Variants in NDUFAF6 observed in about 807,000 individuals in gnomAD.
NDUFAF6 encodes NADH:ubiquinone oxidoreductase complex assembly factor 6.
Under a neutral mutation model 40.8 loss-of-function variants are expected in NDUFAF6, and 45 were observed. The ratio of observed to expected loss-of-function variants is 1.10; its 90% confidence interval spans 0.87 to 1.42. NDUFAF6 has a LOEUF of 1.42. Among genes scored for constraint, NDUFAF6 ranks in the 40% most tolerant of loss-of-function variants. The probability of loss-of-function intolerance (pLI) is 0.00; values close to 1 mark genes in which losing one functional copy is unlikely to be tolerated. For missense variants in NDUFAF6, 435 were observed against 418.5 expected, an observed-to-expected ratio of 1.04 and a Z score of -0.34; for synonymous variants, 185 against 155.9, an observed-to-expected ratio of 1.19 and a Z score of -1.39.
rs1405895170 is a variant in NDUFAF6, at chr8:94,972,509, G to A, written c.-198-8350G>A. ...CCGCCTCAACCTCCCAAAGTGCTGG[G>A]ATTACAGGCCTGAGCCACCACACCC... On this transcript the variant is annotated intron_variant, in intron 1 of 9. Coordinates refer to the NDUFAF6 transcript ENST00000396111. Among the ~76,000 whole-genome samples, 3 of 152,272 alleles carry A rather than the reference G, an allele frequency of 2.0e-5. No individual in the cohort carries two copies. In the East Asian group the frequency reaches 5.8e-4, roughly 29 times the overall value.
chr8:94,983,256 C>CTTTTTT (rs1173077785), intron 2 of NDUFAF6, among the ~76,000 whole-genome samples: 7 of 83,184 alleles, frequency 8.4e-5, no homozygotes, highest in Non-Finnish European at 1.2e-4. Flanking sequence ...CTTTGCTATT[C>CTTTTTT]TTTTTTTTTT....
intron 1 of NDUFAF6, among the ~76,000 whole-genome samples, chr8:94,897,500 C>T (rs926122425): frequency 1.3e-5 from 2 of 152,136 alleles, no homozygotes; most frequent in Non-Finnish European, 2.9e-5. Context: ...TTTTAAAATT[C>T]ACCTAAAGTA....
At chr8:95,017,552 A>C (rs913207937) in intron 2 of NDUFAF6, among the ~76,000 whole-genome samples, 3 of 152,146 alleles carry the variant, frequency 2.0e-5, no homozygotes, top group Non-Finnish European at 4.4e-5. Context: ...TTTTGCCATA[A>C]ATTTCCACAG....
chr8:95,012,321 C>T (rs1827257895), intron 2 of NDUFAF6, among the ~76,000 whole-genome samples: 1 of 152,092 alleles, frequency 6.6e-6, no homozygotes, highest in African/African-American at 2.4e-5. Flanking sequence ...TGTTTATGCT[C>T]ATTTAATTTA....
chr8:95,036,301 G>C lies in NDUFAF6; in HGVS notation c.420+725G>C, dbSNP rs376036105. ...TGATCTGTGTCCCTGTTGTAATGCAGTGATTGCCAAAAGAGGGTTTCTGTA... is the reference window on the plus strand; with the variant it reads ...TGATCTGTGTCCCTGTTGTAATGCACTGATTGCCAAAAGAGGGTTTCTGTA... On this transcript the variant is annotated intron_variant, in intron 3 of 8. Transcript: ENST00000396124. 36 of 1,284,758 alleles carry C rather than the reference G, an allele frequency of 2.8e-5. No homozygotes were observed. In the East Asian group the frequency reaches 7.8e-4, roughly 28 times the overall value. 79.6% of individuals were successfully genotyped at this position (1,284,758 alleles called of 1,614,324 possible).
At chr8:94,910,474 C>T (rs1185024948) in intron 1 of NDUFAF6, among the ~76,000 whole-genome samples, 1 of 152,186 alleles carries the variant, frequency 6.6e-6, no homozygotes, top group African/African-American at 2.4e-5. Flanking sequence ...TGATAGAGGC[C>T]TCTGAGCTTG....
intron 1 of NDUFAF6, chr8:94,939,688 GTGAC>G (rs5893310): frequency 0.67 from 638,677 of 957,388 alleles, 215,741 homozygotes; most frequent in East Asian, 0.77. Context: ...GTGAGACACT[GTGAC>G]TGGTCAACAA....
chr8:95,097,066 C>A (rs530633254), upstream of NDUFAF6, among the ~76,000 whole-genome samples: 43 of 152,280 alleles, frequency 2.8e-4, no homozygotes, highest in Non-Finnish European at 1.9e-4. Context: ...ACTCTCTGGG[C>A]CCCTGGGCCA....
chr8:94,912,909 G>C (rs1247590362), intron 1 of NDUFAF6, among the ~76,000 whole-genome samples: 1 of 152,180 alleles, frequency 6.6e-6, no homozygotes, highest in East Asian at 1.9e-4. Flanking sequence ...AACCTGGGAG[G>C]GGGAGGTTGC....
downstream of NDUFAF6, among the ~76,000 whole-genome samples, chr8:95,118,337 G>T (rs1461023815): frequency 6.6e-6 from 1 of 152,222 alleles, no homozygotes; most frequent in Non-Finnish European, 1.5e-5. Flanking sequence ...ACTAAGGCCA[G>T]TTCAGGTTCA....
intron 2 of NDUFAF6, among the ~76,000 whole-genome samples, chr8:94,982,745 A>G (rs1014718287): frequency 2.6e-5 from 4 of 152,278 alleles, no homozygotes; most frequent in African/African-American, 9.6e-5. Context: ...TTGCTAGAGC[A>G]TGCATGTAAT....
At chr8:95,057,737 TTTAG>T (rs1184949907) in intron 8 of NDUFAF6, 68 bp from the exon 9 acceptor site, 9 of 1,185,078 alleles carry the variant, frequency 7.6e-6, no homozygotes, top group African/African-American at 1.6e-5. Context: ...GTAATTATTC[TTTAG>T]TTAGTTTTTT....
At chr8:94,908,560 G>T (rs969761917) in intron 1 of NDUFAF6, among the ~76,000 whole-genome samples, 3 of 152,018 alleles carry the variant, frequency 2.0e-5, no homozygotes, top group Non-Finnish European at 4.4e-5. Flanking sequence ...TGTAGAGATG[G>T]GGTCTTGCTA....
At chr8:94,971,051 A>G (rs1824420937) in intron 1 of NDUFAF6, among the ~76,000 whole-genome samples, 2 of 152,258 alleles carry the variant, frequency 1.3e-5, no homozygotes, top group Non-Finnish European at 2.9e-5. Context: ...CTTCCCTTGA[A>G]GAGTTTGCAT....
chr8:94,994,615 C>A (rs1462206245), intron 2 of NDUFAF6, among the ~76,000 whole-genome samples: 1 of 151,998 alleles, frequency 6.6e-6, no homozygotes, highest in Non-Finnish European at 1.5e-5. Flanking sequence ...GGGATGATTG[C>A]TTGAGGTCAG....
upstream of NDUFAF6, among the ~76,000 whole-genome samples, chr8:95,098,436 G>C (rs1165247661): frequency 2.0e-5 from 3 of 152,144 alleles, no homozygotes; most frequent in Admixed American, 2.0e-4. Flanking sequence ...GGGAGGCCGA[G>C]GCGGGCAGAT....
Position 94,970,253 on chromosome 8 carries a change from CAAAAAAAAAA to C in NDUFAF6, c.-198-10595_-198-10586del, listed in dbSNP as rs891358442. Among the ~76,000 whole-genome samples the C allele has an allele frequency of 3.8e-3, 238 of 62,924 alleles. 1 individual carries two copies. The highest frequency in any genetic ancestry group is 0.033 in the East Asian group (59 of 1,796). The allele number at this position is 62,924 out of a possible 152,430, so 41.3% of individuals were successfully genotyped here. On this transcript the variant is annotated intron_variant, in intron 1 of 9. Coordinates refer to the NDUFAF6 transcript ENST00000396111. The stretch of plus-strand genomic sequence containing the variant: ...CTGGTGACAGAGCAAGACTCCGTCT[CAAAAAAAAAA>C]AAAAAAAAAAGAAGAAGGAAAAAAA...
chr8:94,979,124 G>C (rs1376892844), intron 1 of NDUFAF6, among the ~76,000 whole-genome samples: 4 of 152,200 alleles, frequency 2.6e-5, no homozygotes, highest in African/African-American at 7.2e-5. Context: ...ACTGAGAGCC[G>C]TCCTGAGGAT....
At chr8:94,961,760 A>G (rs547879942) in intron 1 of NDUFAF6, among the ~76,000 whole-genome samples, 9 of 152,308 alleles carry the variant, frequency 5.9e-5, no homozygotes, top group African/African-American at 2.2e-4. Flanking sequence ...ATAGACAGAA[A>G]ACTAAGGTCT....
Sources: allele counts gnomAD v4.1 joint callset (sites outside exome capture counted in the v4.1 genomes callset), GRCh38; gene constraint gnomAD v4.1.1; transcripts MANE v1.5; gene names NCBI Gene and HGNC (gene_info 2026-07-23, HGNC 2026-07-21).